The following PHACTR2 variants were observed in gnomAD, a reference collection of about 807,000 sequenced individuals.
The protein encoded by PHACTR2 is phosphatase and actin regulator 2, also known as chromosome 6 open reading frame 56.
In PHACTR2, 30 loss-of-function variants were observed where a neutral mutation model predicts 76.0. The ratio of observed to expected loss-of-function variants is 0.39; its 90% CI spans 0.30 to 0.54. The LOEUF (loss-of-function observed/expected upper bound fraction) is 0.54, where lower values mean the gene tolerates loss of function less well. Ranked by LOEUF, PHACTR2 falls within the 20% of genes least tolerant of loss-of-function variation. PHACTR2 has a pLI of 0.61. For synonymous variants in PHACTR2, 292 were observed against 292.5 expected (o/e 1.00, Z 0.02); for missense variants, 696 against 781.1 (o/e 0.89, Z 1.30).
intron 1 of PHACTR2, among the ~76,000 whole-genome samples, chr6:143,613,046 G>C (rs1487772064): frequency 6.6e-6 from 1 of 152,138 alleles, no homozygotes; most frequent in East Asian, 1.9e-4. Context: ...GCGCAATCTC[G>C]GCTCACTGCA....
intron 11 of PHACTR2, among the ~76,000 whole-genome samples, chr6:143,792,899 G>C (rs190754106): frequency 6.6e-6 from 1 of 152,124 alleles, no homozygotes; most frequent in Non-Finnish European, 1.5e-5. Context: ...CTTCCACTAC[G>C]TTCTATTAGT....
rs1345191041 is a variant in PHACTR2, at chr6:143,585,170, G to C, written c.217+47963G>C. 6.6e-6 allele frequency among the ~76,000 whole-genome samples: 1 copy of C among 152,086 alleles called. No homozygotes were observed. The highest frequency in any genetic ancestry group is 1.5e-5 in the Non-Finnish European group (1 of 68,024). On this transcript the variant is annotated intron_variant, in intron 1 of 11. Coordinates refer to the PHACTR2 transcript ENST00000367584. The surrounding 1 kb of genome is among the most constrained non-coding windows in gnomAD (Gnocchi z 5.2). ...AGTGGAAGAGTCTAGCAGGCTACAG[G>C]GACAGAGAGTGGGGGCTTAGTGGGG...
At chr6:143,690,899 T>C (rs750828429) in intron 1 of PHACTR2, among the ~76,000 whole-genome samples, 7 of 152,244 alleles carry the variant, frequency 4.6e-5, no homozygotes, top group Non-Finnish European at 1.0e-4. Context: ...CCTGTATTTT[T>C]CTGTGTTTTT....
rs1196482828 is a variant in PHACTR2 at position 143,662,013 on chromosome 6, T to G, written c.14-50003T>G. Among the ~76,000 whole-genome samples, 1 of 152,198 alleles carries G rather than the reference T, an allele frequency of 6.6e-6. No homozygotes were observed. Among genetic ancestry groups the G allele is most frequent in the East Asian group, 1.9e-4 (1 of 5,200 alleles). ...AAGCACATTTTGTATATGTACTTCT[T>G]AATTGTGTGATTACATGATTTCTCC... On this transcript the variant is annotated intron_variant, in intron 1 of 11. Transcript: ENST00000305766. This position sits in a 1 kb window ranked among gnomAD's most constrained non-coding sequence, Gnocchi z 4.7.
chr6:143,734,075 T>C (rs1288872212), intron 2 of PHACTR2, among the ~76,000 whole-genome samples: 2 of 152,242 alleles, frequency 1.3e-5, no homozygotes, highest in Non-Finnish European at 2.9e-5. Context: ...AGACTCATTA[T>C]GGCCCATCTT....
At chr6:143,573,025 TTA>T (rs1775465015) in intron 1 of PHACTR2, among the ~76,000 whole-genome samples, 3 of 152,240 alleles carry the variant, frequency 2.0e-5, no homozygotes, top group Admixed American at 6.5e-5. Context: ...AATTCTGTCC[TTA>T]CAAAACTGGC....
Position 143,733,357 on chromosome 6 carries a change from T to A in PHACTR2, c.215-15628T>A, listed in dbSNP as rs368288117. Among the ~76,000 whole-genome samples, 4 of 152,326 alleles carry A rather than the reference T, an allele frequency of 2.6e-5. No individual in the cohort carries two copies. The highest frequency in any genetic ancestry group is 9.6e-5 in the African/African-American group (4 of 41,588). ...ATTTTTGTTTTCTTCTTTGGTGAGATCTCAAAGAAACTTGTATAGTGCCTG... is the reference window on the plus strand; with the variant it reads ...ATTTTTGTTTTCTTCTTTGGTGAGAACTCAAAGAAACTTGTATAGTGCCTG... On this transcript the variant is annotated intron_variant, in intron 2 of 12. Transcript: ENST00000440869. This position sits in a 1 kb window ranked among gnomAD's most constrained non-coding sequence, Gnocchi z 4.0.
At position 143,557,901 on chromosome 6, in the gene PHACTR2, G is replaced by T. The variant is rs1027238642; in HGVS notation, c.217+20694G>T. 6.6e-6 allele frequency: 1 copy of T among 152,224 alleles called. No individual in the cohort carries two copies. The highest frequency in any genetic ancestry group is 1.5e-5 in the Non-Finnish European group (1 of 68,078). The allele number at this position is 152,224 out of a possible 1,614,324, so 9.4% of individuals were successfully genotyped here. ...TGGAACCATCTTCCATGAGAATTGT[G>T]CTTTTTTTCCCCCTTTGCTTTGTTT... On this transcript the variant is annotated intron_variant, in intron 1 of 11. Coordinates refer to the PHACTR2 transcript ENST00000367584. The surrounding 1 kb of genome is among the most constrained non-coding windows in gnomAD (Gnocchi z 5.5).
At chr6:143,572,190 G>T (rs975409351) in intron 1 of PHACTR2, among the ~76,000 whole-genome samples, 2 of 152,090 alleles carry the variant, frequency 1.3e-5, no homozygotes, top group Non-Finnish European at 2.9e-5. Flanking sequence ...TTTTGGCCCC[G>T]TGTAAATATC....
intron 1 of PHACTR2, among the ~76,000 whole-genome samples, chr6:143,706,169 A>C (rs1340685649): frequency 6.6e-6 from 1 of 152,126 alleles, no homozygotes; most frequent in Non-Finnish European, 1.5e-5. Context: ...CTTTTTGAGC[A>C]CTTTCTGGGA....
upstream of PHACTR2, among the ~76,000 whole-genome samples, chr6:143,674,175 T>G (rs560316958): frequency 1.1e-3 from 171 of 152,194 alleles, no homozygotes; most frequent in Middle Eastern, 3.2e-3. The surrounding 1 kb of genome is among the most constrained non-coding windows in gnomAD (Gnocchi z 4.9). Flanking sequence ...AAACATTAGT[T>G]ACATATACAG....
At chr6:143,600,557 T>C (rs2128435741) in intron 1 of PHACTR2, among the ~76,000 whole-genome samples, 1 of 152,378 alleles carries the variant, frequency 6.6e-6, no homozygotes, top group African/African-American at 2.4e-5. Flanking sequence ...TAAGCATATA[T>C]CCTTCTGCTT....
rs915741088 is a variant in PHACTR2, at chr6:143,830,397, AGACT to A, written c.*6715_*6718del. On this transcript the variant is annotated 3_prime_UTR_variant, in exon 13 of 13. Coordinates refer to ENST00000440869, the MANE Select transcript of PHACTR2 (RefSeq NM_001100164.2). ...ACAATGGTAAACTGTGATCATTATCAGACTGACTGAATGCTTTCTGATTTCCAGT... is the reference window on the plus strand; with the variant it reads ...ACAATGGTAAACTGTGATCATTATCAGACTGAATGCTTTCTGATTTCCAGT... The A allele has an allele frequency of 7.2e-5, 11 of 151,962 alleles. No homozygotes were observed. Among genetic ancestry groups the A allele is most frequent in the African/African-American group, 1.2e-4 (5 of 41,362 alleles). The allele number at this position is 151,962 out of a possible 1,614,324, so 9.4% of individuals were successfully genotyped here.
Position 143,653,062 on chromosome 6 carries a change from G to A in PHACTR2, c.13+44740G>A, listed in dbSNP as rs1006927779. Among the ~76,000 whole-genome samples, 1 of 152,192 alleles carries A rather than the reference G, an allele frequency of 6.6e-6. No individual in the cohort carries two copies. Among genetic ancestry groups the A allele is most frequent in the African/African-American group, 2.4e-5 (1 of 41,442 alleles). ...ACTGGCAAGAGAATTGTACTTGATG[G>A]CACACGGTGTGATGGTTGCCTCACT... On this transcript the variant is annotated intron_variant, in intron 1 of 11. Transcript: ENST00000305766. This position sits in a 1 kb window ranked among gnomAD's most constrained non-coding sequence, Gnocchi z 4.9.
Position 143,823,437 on chromosome 6 carries a change from A to G in PHACTR2, c.1923-237A>G, listed in dbSNP as rs559978065. On this transcript the variant is annotated intron_variant, in intron 12 of 12. Coordinates refer to ENST00000440869, the MANE Select transcript of PHACTR2 (RefSeq NM_001100164.2). This position sits in a 1 kb window ranked among gnomAD's most constrained non-coding sequence, Gnocchi z 5.7. ...GAATACTATAACCAGCATCTTTTAT[A>G]TAAGGTTTCCTTATATGCTTATATG... Among the ~76,000 whole-genome samples the G allele has an allele frequency of 2.3e-3, 345 of 152,338 alleles. 1 individual carries two copies. Among genetic ancestry groups the G allele is most frequent in the African/African-American group, 7.9e-3 (327 of 41,580 alleles).
rs1776964408 is a variant in PHACTR2 at position 143,662,612 on chromosome 6, G to A, written c.14-49404G>A. On this transcript the variant is annotated intron_variant, in intron 1 of 11. Coordinates refer to the PHACTR2 transcript ENST00000305766. This position sits in a 1 kb window ranked among gnomAD's most constrained non-coding sequence, Gnocchi z 4.7. ...AATGCATCTGTATTTTTCCCTGAAT[G>A]CAAAACAGTAATATTTAAATTCACC... Among the ~76,000 whole-genome samples the A allele has an allele frequency of 2.0e-5, 3 of 152,128 alleles. No homozygotes were observed. Among genetic ancestry groups the A allele is most frequent in the Non-Finnish European group, 4.4e-5 (3 of 68,018 alleles).
chr6:143,580,482 C>G lies in PHACTR2; in HGVS notation c.217+43275C>G, dbSNP rs1775560299. Among the ~76,000 whole-genome samples, 2 of 148,538 alleles carry G rather than the reference C, an allele frequency of 1.3e-5. No individual in the cohort carries two copies. Among genetic ancestry groups the G allele is most frequent in the African/African-American group, 5.0e-5 (2 of 39,814 alleles). ...CCTGGGCGACAGAGCGAGACTCCGT[C>G]TCAAACAAAACAAAACAAAACAAAA... On this transcript the variant is annotated intron_variant, in intron 1 of 11. Transcript: ENST00000367584. The surrounding 1 kb of genome is among the most constrained non-coding windows in gnomAD (Gnocchi z 4.2).
In PHACTR2 at chr6:143,671,623, G is replaced by C. The variant is rs1347888627; in HGVS notation, c.14-40393G>C. Among the ~76,000 whole-genome samples the C allele has an allele frequency of 6.6e-6, 1 of 152,154 alleles. No individual in the cohort carries two copies. ...CCATTAGAAGGGAAGCTCTATGAGT[G>C]CAGGTGTTTTTGTATTTTGTATAAT... On this transcript the variant is annotated intron_variant, in intron 1 of 11. Coordinates refer to the PHACTR2 transcript ENST00000305766. This position sits in a 1 kb window ranked among gnomAD's most constrained non-coding sequence, Gnocchi z 4.6.
In PHACTR2 at chr6:143,697,732, C is replaced by T. The variant is rs922669999; in HGVS notation, c.47-14284C>T. Among the ~76,000 whole-genome samples the T allele has an allele frequency of 2.6e-5, 4 of 152,218 alleles. No individual in the cohort carries two copies. The highest frequency in any genetic ancestry group is 2.9e-5 in the Non-Finnish European group (2 of 68,032). On this transcript the variant is annotated intron_variant, in intron 1 of 12. Transcript: ENST00000440869. This position sits in a 1 kb window ranked among gnomAD's most constrained non-coding sequence, Gnocchi z 4.4. ...TTTCCTCTGTGAAAAATCTAAAGAC[C>T]TGCTAAAATAAATCATAGCCTAGGC...
Sources: allele counts gnomAD v4.1 joint callset (sites outside exome capture counted in the v4.1 genomes callset), GRCh38; gene constraint gnomAD v4.1.1; non-coding constraint Gnocchi (gnomAD v3.1); transcripts MANE v1.5; gene names NCBI Gene and HGNC (gene_info 2026-07-23, HGNC 2026-07-21).